Variants in CAMTA1 observed in about 807,000 individuals in gnomAD.
CAMTA1 encodes calmodulin-binding transcription activator 1.
In CAMTA1, 27 loss-of-function variants were observed where a neutral mutation model predicts 170.9. The ratio of observed to expected loss-of-function variants is 0.16; its 90% CI spans 0.12 to 0.22. The LOEUF (loss-of-function observed/expected upper bound fraction) is 0.22, where lower values mean the gene tolerates loss of function less well. CAMTA1 is among the 10% of genes least tolerant of loss of function. The probability of loss-of-function intolerance (pLI) is 1.00; values close to 1 mark genes in which losing one functional copy is unlikely to be tolerated. For synonymous variants in CAMTA1, 833 were observed against 891.5 expected, an observed-to-expected ratio of 0.93 and a Z score of 1.17; for missense variants, 1,619 against 2,217.2, an observed-to-expected ratio of 0.73 and a Z score of 5.42.
rs187831878 is a variant in CAMTA1 at position 7,150,079 on chromosome 1, G to A, written c.302+58708G>A. Among the ~76,000 whole-genome samples the A allele has an allele frequency of 3.8e-3, 581 of 152,318 alleles. 1 individual carries two copies. The highest frequency in any genetic ancestry group is 7.8e-3 in the Admixed American group (119 of 15,304). The stretch of plus-strand genomic sequence containing the variant: ...GCCGCTGCTGTTCGGTCGCCCAGCG[G>A]CCTCCCTGGAGGAGAGTCCCTCAGT... On this transcript the variant is annotated intron_variant, in intron 4 of 22. Transcript: ENST00000303635.
chr1:6,977,716 A>G (rs1289640454), intron 3 of CAMTA1, among the ~76,000 whole-genome samples: 1 of 152,190 alleles, frequency 6.6e-6, no homozygotes, highest in Non-Finnish European at 1.5e-5. Flanking sequence ...TGATTATTAC[A>G]GCTTTAGAGG....
chr1:7,715,788 C>T (rs1053430465), intron 11 of CAMTA1, among the ~76,000 whole-genome samples: 1 of 152,200 alleles, frequency 6.6e-6, no homozygotes, highest in African/African-American at 2.4e-5. Context: ...AGTGCCGTGC[C>T]GGCATGGGAG....
chr1:6,931,119 G>A (rs1684340607), intron 3 of CAMTA1, among the ~76,000 whole-genome samples: 1 of 152,210 alleles, frequency 6.6e-6, no homozygotes, highest in African/African-American at 2.4e-5. Flanking sequence ...TACCCCCAGT[G>A]GTTAACCTGC....
intron 1 of CAMTA1, among the ~76,000 whole-genome samples, chr1:6,798,932 C>T (rs1484870706): frequency 1.3e-5 from 2 of 152,124 alleles, no homozygotes; most frequent in African/African-American, 2.4e-5. Context: ...TAACCCTGAA[C>T]CAATCAGTGA....
intron 4 of CAMTA1, among the ~76,000 whole-genome samples, chr1:7,143,380 T>C (rs1308466424): frequency 6.6e-6 from 1 of 152,218 alleles, no homozygotes; most frequent in Non-Finnish European, 1.5e-5. Context: ...TTGAGACACT[T>C]TGGAATGTTC....
At chr1:6,894,288 GCCA>G (rs1000362948) in intron 3 of CAMTA1, among the ~76,000 whole-genome samples, 5 of 152,176 alleles carry the variant, frequency 3.3e-5, no homozygotes, top group African/African-American at 1.2e-4. Flanking sequence ...TAAGGATGAT[GCCA>G]CCCTCTATTT....
rs1366793590 is a variant in CAMTA1, at chr1:7,216,673, G to A, written c.303-32818G>A. 6.6e-6 allele frequency among the ~76,000 whole-genome samples: 1 copy of A among 152,064 alleles called. No homozygotes were observed. The highest frequency in any genetic ancestry group is 1.5e-5 in the Non-Finnish European group (1 of 67,998). On this transcript the variant is annotated intron_variant, in intron 4 of 22. Coordinates refer to ENST00000303635, the MANE Select transcript of CAMTA1 (RefSeq NM_015215.4). The surrounding 1 kb of genome is among the most constrained non-coding windows in gnomAD (Gnocchi z 4.0). ...CTACAGGCAGGTACCACCACGCCTG[G>A]CTAATTTTTGTGTTTTTAGTAGAGA...
chr1:7,295,125 G>A lies in CAMTA1; in HGVS notation c.438+45499G>A, dbSNP rs143438304. On this transcript the variant is annotated intron_variant, in intron 5 of 22. Transcript: ENST00000303635. ...CCTTCACTTACATCTGACTCGGGCA[G>A]TTATGTAACCTTCTGGCTTTGGGGT... Among the ~76,000 whole-genome samples the A allele has an allele frequency of 1.6e-3, 242 of 152,314 alleles. 1 individual carries two copies. Among genetic ancestry groups the A allele is most frequent in the African/African-American group, 5.4e-3 (223 of 41,572 alleles).
chr1:7,323,104 T>C (rs960619160), intron 5 of CAMTA1, among the ~76,000 whole-genome samples: 2 of 151,910 alleles, frequency 1.3e-5, no homozygotes, highest in African/African-American at 4.8e-5. Flanking sequence ...TCTTAAGTTA[T>C]TGTTTTTTAC....
At position 7,547,485 on chromosome 1, in the gene CAMTA1, A is replaced by G. The variant is rs1262694592; in HGVS notation, c.510+79584A>G. 2.6e-5 allele frequency among the ~76,000 whole-genome samples: 4 copies of G among 152,162 alleles called. No individual in the cohort carries two copies. The highest frequency in any genetic ancestry group is 9.7e-5 in the African/African-American group (4 of 41,428). ...GAAAAAAATTGCATTTGTACCAAACATATTTTTTTCTTATGATTATTCCCT... is the reference window on the plus strand; with the variant it reads ...GAAAAAAATTGCATTTGTACCAAACGTATTTTTTTCTTATGATTATTCCCT... On this transcript the variant is annotated intron_variant, in intron 6 of 22. Coordinates refer to ENST00000303635, the MANE Select transcript of CAMTA1 (RefSeq NM_015215.4). The surrounding 1 kb of genome is among the most constrained non-coding windows in gnomAD (Gnocchi z 5.7).
intron 6 of CAMTA1, among the ~76,000 whole-genome samples, chr1:7,518,476 C>T (rs772465276): frequency 2.0e-5 from 3 of 151,948 alleles, no homozygotes; most frequent in African/African-American, 7.3e-5. Flanking sequence ...GATTGCAGAG[C>T]CCCTGAAGTC....
chr1:7,594,005 ACACTC>A (rs1310320819), intron 6 of CAMTA1, among the ~76,000 whole-genome samples: 1 of 150,038 alleles, frequency 6.7e-6, no homozygotes, highest in East Asian at 2.0e-4. Context: ...TCGTACCACT[ACACTC>A]CAGCCTGGGC....
chr1:6,930,381 C>A (rs1158640115), intron 3 of CAMTA1, among the ~76,000 whole-genome samples: 1 of 152,186 alleles, frequency 6.6e-6, no homozygotes, highest in Non-Finnish European at 1.5e-5. Context: ...AGATAGGCCA[C>A]CCTCAAGGAC....
intron 5 of CAMTA1, among the ~76,000 whole-genome samples, chr1:7,255,344 G>A (rs1667207945): frequency 6.6e-6 from 1 of 152,012 alleles, no homozygotes; most frequent in Non-Finnish European, 1.5e-5. Flanking sequence ...AGAAAAACAT[G>A]TGTCTTCGGT....
In CAMTA1 at chr1:7,480,414, T is replaced by A. The variant is rs762893720; in HGVS notation, c.510+12513T>A. 1.7e-3 allele frequency among the ~76,000 whole-genome samples: 252 copies of A among 151,796 alleles called. 2 individuals are homozygous for A. Among genetic ancestry groups the A allele is most frequent in the African/African-American group, 2.6e-3 (107 of 41,332 alleles). ...ATATGAGAGTGTGTGTGTGTGTGTG[T>A]GTGAGAGAGAGAGACAGAGAGAGAT... On this transcript the variant is annotated intron_variant, in intron 6 of 22. Transcript: ENST00000303635.
At chr1:6,869,717 A>T (rs941257507) in intron 3 of CAMTA1, among the ~76,000 whole-genome samples, 21 of 152,158 alleles carry the variant, frequency 1.4e-4, no homozygotes, top group Non-Finnish European at 2.9e-4. Context: ...GCACCATTTC[A>T]TTTGGAGCCA....
rs114578363 is a variant in CAMTA1, at chr1:7,215,080, C to A, written c.303-34411C>A. Among the ~76,000 whole-genome samples the A allele has an allele frequency of 9.0e-3, 1,375 of 152,078 alleles. 13 individuals carry two copies. The highest frequency in any genetic ancestry group is 0.02 in the Middle Eastern group (6 of 294). ...TTGATAACTGTAGCTATATAATAAGCCTTCATCTGTATCCTGACATTCTTA... is the reference window on the plus strand; with the variant it reads ...TTGATAACTGTAGCTATATAATAAGACTTCATCTGTATCCTGACATTCTTA... On this transcript the variant is annotated intron_variant, in intron 4 of 22. Transcript: ENST00000303635.
At chr1:7,220,062 G>A (rs1660465335) in intron 4 of CAMTA1, among the ~76,000 whole-genome samples, 1 of 152,130 alleles carries the variant, frequency 6.6e-6, no homozygotes, top group Non-Finnish European at 1.5e-5. Flanking sequence ...AAGCCACCCA[G>A]CCTCTGGTAC....
chr1:6,951,109 A>G (rs1459051869), intron 3 of CAMTA1, among the ~76,000 whole-genome samples: 1 of 152,212 alleles, frequency 6.6e-6, no homozygotes, highest in Non-Finnish European at 1.5e-5. Flanking sequence ...AAGAATCCCC[A>G]TAGGACCCAA....
Sources: allele counts gnomAD v4.1 joint callset (sites outside exome capture counted in the v4.1 genomes callset), GRCh38; gene constraint gnomAD v4.1.1; non-coding constraint Gnocchi (gnomAD v3.1); transcripts MANE v1.5; gene names NCBI Gene and HGNC (gene_info 2026-07-23, HGNC 2026-07-21).